TEFM: variants seen among roughly 807,000 people sequenced by gnomAD.
TEFM encodes transcription elongation factor of mitochondria.
Under a neutral mutation model 23.0 loss-of-function variants are expected in TEFM, and 14 were observed. The ratio of observed to expected loss-of-function variants is 0.61; its 90% CI spans 0.40 to 0.95. The LOEUF (loss-of-function observed/expected upper bound fraction) is 0.95, where lower values mean the gene tolerates loss of function less well. Among genes scored for constraint, TEFM ranks in the 40% least tolerant of loss-of-function variants. TEFM has a pLI of 0.00. For synonymous variants in TEFM, 155 were observed against 158.3 expected, an observed-to-expected ratio of 0.98 and a Z score of 0.16; for missense variants, 386 against 425.5, an observed-to-expected ratio of 0.91 and a Z score of 0.82.
chr17:30,904,578 G>T, intron 1 of TEFM, 49 bp from the exon 2 acceptor site: 1 of 1,400,124 alleles, frequency 7.1e-7, no homozygotes. Flanking sequence ...TACTTCCTTT[G>T]GGGTTAGTTG....
chr17:30,900,395 G>C lies in TEFM; in HGVS notation c.645+18C>G. On this transcript the variant is annotated intron_variant, in intron 3 of 3. Coordinates refer to ENST00000581216, the MANE Select transcript of TEFM (RefSeq NM_024683.4). ...AGGAGCTCTAGCAGGTAGGAATCTG[G>C]AGGTGCAACTGCCTTACCTCTTCTA... 8.1e-6 allele frequency: 13 copies of C among 1,612,302 alleles called. No homozygotes were observed. The highest frequency in any genetic ancestry group is 1.1e-5 in the Non-Finnish European group (13 of 1,178,784).
intron 2 of TEFM, among the ~76,000 whole-genome samples, chr17:30,901,968 C>T (rs781245597): frequency 6.6e-6 from 1 of 152,134 alleles, no homozygotes; most frequent in South Asian, 2.1e-4. Context: ...TTAATGATGA[C>T]GAAGATAGGA....
chr17:30,900,682 A>T, intron 2 of TEFM, 120 bp from the exon 3 acceptor site: 1 of 814,738 alleles, frequency 1.2e-6, no homozygotes, highest in South Asian at 2.0e-5. Flanking sequence ...ACTCACTACA[A>T]GCTCCACCTT....
chr17:30,899,359 T>A lies in TEFM; in HGVS notation c.893A>T (p.Glu298Val). Residue 298 changes from glutamate (E) to valine (V), a missense_variant, in exon 4 of 4, where the codon GAG becomes GTG. Physicochemically the swap from Glu to Val is moderately radical, Grantham distance 121. Transcript: ENST00000581216. ...MIGDSRTSGK[E>V]LVKQFLFDSI... ...ATCGAAGAGAAACTGCTTCACTAGC[T>A]CTTTTCCACTAGTCCGGGAGTCACC... 2 of 1,614,220 alleles carry A rather than the reference T, an allele frequency of 1.2e-6. No individual in the cohort carries two copies.
chr17:30,900,744 G>A (rs1910026425), intron 2 of TEFM, among the ~76,000 whole-genome samples, 182 bp from the exon 3 acceptor site: 1 of 151,520 alleles, frequency 6.6e-6, no homozygotes, highest in African/African-American at 2.4e-5. Flanking sequence ...TGGGACTACA[G>A]GCGCCCGCCA....
Position 30,904,111 on chromosome 17 carries a change from G to C in TEFM, c.450C>G (p.Phe150Leu). 1 of 1,613,980 alleles carries C rather than the reference G, an allele frequency of 6.2e-7. No individual in the cohort carries two copies. Among genetic ancestry groups the C allele is most frequent in the Non-Finnish European group, 8.5e-7 (1 of 1,179,934 alleles). Residue 150 changes from phenylalanine to leucine, a missense_variant, in exon 2 of 4, where the codon TTC (phenylalanine) becomes TTG (leucine). Coordinates refer to ENST00000581216, the MANE Select transcript of TEFM (RefSeq NM_024683.4). ...TGTCTGGTTTGAGGAGCTTTCTCAG[G>C]AACCGGTTTTCCGGTGACTTTCTTT... Reference protein sequence around the residue: ...REKRKSPENRFLRKLLKPDIE... With the variant: ...REKRKSPENRLLRKLLKPDIE...
chr17:30,900,270 G>T, intron 3 of TEFM, 143 bp downstream of exon 3: 2 of 787,694 alleles, frequency 2.5e-6, no homozygotes, highest in Non-Finnish European at 1.9e-6. Flanking sequence ...CAAAGGTGAT[G>T]GAAAACATAA....
Position 30,899,399 on chromosome 17 carries a change from A to T in TEFM, c.853T>A (p.Phe285Ile). Residue 285 changes from phenylalanine to isoleucine, a missense_variant, in exon 4 of 4, where the codon TTT becomes ATT. Physicochemically the swap from Phe to Ile is conservative, Grantham distance 21. Transcript: ENST00000581216. ...SMNRNAVGKH[F>I]ELMIGDSRTS... is the part of the protein sequence containing the mutation. ...CGGGAGTCACCAATCATCAGTTCAA[A>T]ATGCTTCCCCACTGCATTTCGATTC... is the stretch of plus-strand genomic sequence containing the variant. 1 of 1,614,150 alleles carries T rather than the reference A, an allele frequency of 6.2e-7. No homozygotes were observed. The highest frequency in any genetic ancestry group is 8.5e-7 in the Non-Finnish European group (1 of 1,179,990).
At chr17:30,901,945 CTGAA>C (rs1025918275) in intron 2 of TEFM, among the ~76,000 whole-genome samples, 28 of 152,250 alleles carry the variant, frequency 1.8e-4, no homozygotes, top group South Asian at 8.3e-4. Context: ...ATATCAGTGA[CTGAA>C]TGGCATCATT....
chr17:30,899,751 A>G (rs1350524255), intron 3 of TEFM, 145 bp from the exon 4 acceptor site: 1 of 557,618 alleles, frequency 1.8e-6, no homozygotes, highest in African/African-American at 1.9e-5. Context: ...TGAAAAAGCC[A>G]TTTTATGAGC....
At chr17:30,905,410 C>G (rs1400519388) in intron 1 of TEFM, among the ~76,000 whole-genome samples, 5 of 151,670 alleles carry the variant, frequency 3.3e-5, no homozygotes, top group African/African-American at 1.2e-4. Context: ...ATCCCAGCTA[C>G]TCGGGAGGCT....
At chr17:30,900,337 A>G (rs778080829) in intron 3 of TEFM, 76 bp downstream of exon 3, 1 of 1,406,222 alleles carries the variant, frequency 7.1e-7, no homozygotes, top group Non-Finnish European at 9.9e-7. Flanking sequence ...ATTTTATTAC[A>G]TTCCTTTTGG....
In TEFM at chr17:30,903,227, G is replaced by GTT. The variant is rs200737050; in HGVS notation, c.495+838_495+839insAA. On this transcript the variant is annotated intron_variant, in intron 2 of 3. Transcript: ENST00000581216. ...TAGAAAAAGAATTGCTTTTAGAATGGTGTTTTTTTTTTTTTTTTGAGACAG... is the reference window on the plus strand; with the variant it reads ...TAGAAAAAGAATTGCTTTTAGAATGGTTTGTTTTTTTTTTTTTTTTGAGACAG... Among the ~76,000 whole-genome samples, 135 of 140,328 alleles carry GTT rather than the reference G, an allele frequency of 9.6e-4. 3 individuals carry two copies. In the East Asian group the frequency reaches 0.018, roughly 18 times the overall value. The allele number at this position is 140,328 out of a possible 152,430, so 92.1% of individuals were successfully genotyped here. A position where few individuals can be genotyped will look rare whatever the true frequency, so the allele number is the denominator to read the frequency against.
Position 30,899,031 on chromosome 17 carries a change from C to A in TEFM, c.*138G>T, listed in dbSNP as rs983492722. ...TTTGGTCTTGGCTTATTGTGTAAAC[C>A]ATTTAATAGCCAAAAGTCAGAATTT... On this transcript the variant is annotated 3_prime_UTR_variant, in exon 4 of 4. Coordinates refer to ENST00000581216, the MANE Select transcript of TEFM (RefSeq NM_024683.4). The A allele has an allele frequency of 1.4e-4, 116 of 838,122 alleles. 1 individual carries two copies. In the South Asian group the frequency reaches 1.7e-3, roughly 12 times the overall value. The allele number at this position is 838,122 out of a possible 1,614,324, so 51.9% of individuals were successfully genotyped here. A position where few individuals can be genotyped will look rare whatever the true frequency, so the allele number is the denominator to read the frequency against.
rs1228966524 is a variant in TEFM at position 30,899,479 on chromosome 17, T to C, written c.773A>G (p.Tyr258Cys). The C allele has an allele frequency of 1.2e-6, 2 of 1,614,172 alleles. No homozygotes were observed. Among genetic ancestry groups the C allele is most frequent in the South Asian group, 2.2e-5 (2 of 91,080 alleles). The change falls in exon 4 of 4, where the codon TAT becomes TGT. Residue 258 changes from tyrosine (Y) to cysteine (C), a missense_variant. By Grantham distance (194) the Tyr-to-Cys change is radical (BLOSUM62 -2). Transcript: ENST00000581216. The part of the protein sequence containing the change: ...LHFHIMEAML[Y>C]ALLNKTFAQD... ...GGCAAAAGTTTTATTTAATAAGGCA[T>C]ACAGCATGGCTTCCATGATATGAAA...
chr17:30,900,564 TAAAAG>T lies in TEFM; in HGVS notation c.496-7_496-3del, dbSNP rs776285961. 65 of 1,608,580 alleles carry T rather than the reference TAAAAG, an allele frequency of 4.0e-5. No homozygotes were observed. Among genetic ancestry groups the T allele is most frequent in the Admixed American group, 3.9e-4 (23 of 58,238 alleles). On this transcript the variant is annotated splice_polypyrimidine_tract_variant and splice_region_variant and intron_variant, in intron 2 of 3. Coordinates refer to ENST00000581216, the MANE Select transcript of TEFM (RefSeq NM_024683.4). ...GATAGATATGATACTATTAACTGCC[TAAAAG>T]AAAAGACTGATTTAATTAGAAGTAT...
chr17:30,901,152 C>G (rs1163834090), intron 2 of TEFM, among the ~76,000 whole-genome samples: 1 of 152,100 alleles, frequency 6.6e-6, no homozygotes, highest in Non-Finnish European at 1.5e-5. Flanking sequence ...TCCTGAGTAG[C>G]TGGGATTACA....
intron 2 of TEFM, among the ~76,000 whole-genome samples, chr17:30,901,045 T>G (rs1206243841): frequency 6.7e-6 from 1 of 150,082 alleles, no homozygotes; most frequent in Non-Finnish European, 1.5e-5. Flanking sequence ...TTGTTTGAGA[T>G]GGAGTCTCGT....
chr17:30,904,779 C>T (rs1234175886), intron 1 of TEFM, among the ~76,000 whole-genome samples: 3 of 151,414 alleles, frequency 2.0e-5, no homozygotes, highest in Non-Finnish European at 4.4e-5. Flanking sequence ...CCCAGGTTCA[C>T]GCCATTCTCC....
Sources: gnomAD v4.1 joint callset for allele counts (sites outside exome capture counted in the v4.1 genomes callset) on GRCh38, gnomAD v4.1.1 for gene constraint, MANE v1.5 for transcripts, NCBI Gene and HGNC (gene_info 2026-07-23, HGNC 2026-07-21) for gene names.